The following NLN variants were observed in gnomAD, a reference collection of about 807,000 sequenced individuals.
The protein encoded by NLN is neurolysin, mitochondrial.
A neutral mutation model predicts 79.9 loss-of-function variants in NLN; 64 were observed. That is an observed-to-expected ratio of 0.80 (90% CI 0.65 to 0.99). The LOEUF (loss-of-function observed/expected upper bound fraction) is 0.99. Among genes scored for constraint, NLN ranks in the 50% least tolerant of loss-of-function variants. NLN has a pLI of 0.00. For synonymous variants in NLN, 267 were observed against 296.6 expected, an observed-to-expected ratio of 0.90 and a Z score of 1.02; for missense variants, 835 against 858.7, an observed-to-expected ratio of 0.97 and a Z score of 0.34.
At position 65,798,982 on chromosome 5, in the gene NLN, G is replaced by A. The variant is rs114633349; in HGVS notation, c.1527+6327G>A. 7.6e-3 allele frequency among the ~76,000 whole-genome samples: 1,163 copies of A among 152,248 alleles called. 14 individuals are homozygous for A. Among genetic ancestry groups the A allele is most frequent in the African/African-American group, 0.026 (1,099 of 41,526 alleles). On this transcript the variant is annotated intron_variant, in intron 9 of 12. Transcript: ENST00000380985. ...TGTAGCCTCCACCTCTCCAGGCTCA[G>A]TTGATCCTCCCACCTCAGCTTCCTA... is the stretch of plus-strand genomic sequence containing the variant.
chr5:65,788,598 G>A, intron 8 of NLN, 114 bp downstream of exon 8: 1 of 1,048,644 alleles, frequency 9.5e-7, no homozygotes, highest in Non-Finnish European at 1.4e-6. Flanking sequence ...CACTTTGGGA[G>A]GCCAAGGTGG....
At chr5:65,803,665 A>G (rs1760343781) in intron 9 of NLN, among the ~76,000 whole-genome samples, 1 of 151,896 alleles carries the variant, frequency 6.6e-6, no homozygotes, top group African/African-American at 2.4e-5. Context: ...TGGCTTAGGA[A>G]ACCGCAGCTG....
At chr5:65,782,827 G>T in intron 6 of NLN, among the ~76,000 whole-genome samples, 1 of 152,152 alleles carries the variant, frequency 6.6e-6, no homozygotes, top group Non-Finnish European at 1.5e-5. Context: ...AACAGTATTA[G>T]CTTTCCCAAA....
chr5:65,795,484 C>T (rs1287242142), intron 9 of NLN, among the ~76,000 whole-genome samples: 1 of 152,086 alleles, frequency 6.6e-6, no homozygotes, highest in Non-Finnish European at 1.5e-5. Context: ...GGCAGGAGTT[C>T]GAGACTAGCC....
At chr5:65,802,337 G>GGCAAGGCTGCCT (rs973094177) in intron 9 of NLN, among the ~76,000 whole-genome samples, 1 of 152,362 alleles carries the variant, frequency 6.6e-6, no homozygotes, top group South Asian at 2.1e-4. Flanking sequence ...AGGCGCTGGA[G>GGCAAGGCTGCCT]GCAAGGCTGC....
chr5:65,740,229 G>A (rs914641467), intron 1 of NLN, among the ~76,000 whole-genome samples: 4 of 152,152 alleles, frequency 2.6e-5, no homozygotes, highest in African/African-American at 9.7e-5. Context: ...TTCTGCATCT[G>A]GTGAGGGCCT....
At chr5:65,764,658 G>C (rs1454408240) in intron 3 of NLN, among the ~76,000 whole-genome samples, 1 of 152,190 alleles carries the variant, frequency 6.6e-6, no homozygotes, top group Non-Finnish European at 1.5e-5. Context: ...CATCAGATTT[G>C]TGTCTTTATT....
At chr5:65,740,352 C>T (rs1256341088) in intron 1 of NLN, among the ~76,000 whole-genome samples, 1 of 152,120 alleles carries the variant, frequency 6.6e-6, no homozygotes, top group Non-Finnish European at 1.5e-5. Flanking sequence ...CACTCCTGTT[C>T]TTCCCCATTA....
intron 1 of NLN, among the ~76,000 whole-genome samples, chr5:65,741,533 C>A (rs1263525181): frequency 6.6e-6 from 1 of 152,156 alleles, no homozygotes; most frequent in African/African-American, 2.4e-5. Context: ...AAATGACACA[C>A]ACTAACAAGC....
chr5:65,730,157 C>T (rs1758574608), intron 1 of NLN, among the ~76,000 whole-genome samples: 1 of 152,168 alleles, frequency 6.6e-6, no homozygotes, highest in Non-Finnish European at 1.5e-5. Context: ...ATGGAACTTA[C>T]ATTCCAGTGG....
chr5:65,791,520 C>T (rs1488890075), intron 8 of NLN, among the ~76,000 whole-genome samples: 4 of 151,966 alleles, frequency 2.6e-5, no homozygotes, highest in African/African-American at 4.8e-5. Flanking sequence ...ATCTTGCCAC[C>T]GCACCCCAGC....
At chr5:65,774,180 G>C (rs1315674223) in intron 3 of NLN, among the ~76,000 whole-genome samples, 1 of 151,558 alleles carries the variant, frequency 6.6e-6, no homozygotes, top group South Asian at 2.1e-4. Context: ...ATGCAGACAG[G>C]GAGAGAGAAT....
intron 12 of NLN, among the ~76,000 whole-genome samples, chr5:65,819,732 A>G (rs968956796): frequency 6.6e-6 from 1 of 152,196 alleles, no homozygotes; most frequent in African/African-American, 2.4e-5. Flanking sequence ...AAGTATTAAT[A>G]GAACAACTTA....
chr5:65,750,968 A>AAAG (rs1406593704), intron 1 of NLN, among the ~76,000 whole-genome samples: 2 of 152,198 alleles, frequency 1.3e-5, no homozygotes, highest in African/African-American at 4.8e-5. Context: ...CAATGGCTAG[A>AAAG]AAGACAACTT....
intron 4 of NLN, among the ~76,000 whole-genome samples, chr5:65,778,386 GT>G (rs1054417070): frequency 6.6e-6 from 1 of 152,162 alleles, no homozygotes; most frequent in African/African-American, 2.4e-5. Context: ...TCCAAATCAA[GT>G]GTTGTCAGCA....
intron 1 of NLN, among the ~76,000 whole-genome samples, chr5:65,724,560 T>C (rs907655999): frequency 1.4e-4 from 22 of 152,174 alleles, no homozygotes; most frequent in Admixed American, 1.2e-3. Context: ...TGTGCACATG[T>C]CTGTTTGAAT....
rs760572199 is a variant in NLN at position 65,723,814 on chromosome 5, C to CAAAAAAAA, written c.41+1415_41+1422dup. 1.4e-3 allele frequency among the ~76,000 whole-genome samples: 80 copies of CAAAAAAAA among 55,314 alleles called. 3 individuals carry two copies. The highest frequency in any genetic ancestry group is 1.8e-3 in the African/African-American group (28 of 15,712). 36.3% of individuals were successfully genotyped at this position (55,314 alleles called of 152,430 possible). ...TGGGCGACAGAGCAAGACTCCGTCT[C>CAAAAAAAA]AAAAAAAAAAAAAAAAAAAAAAGAA... On this transcript the variant is annotated intron_variant, in intron 1 of 12. Coordinates refer to ENST00000380985, the MANE Select transcript of NLN (RefSeq NM_020726.5).
At chr5:65,773,391 CCA>C (rs749399675) in intron 3 of NLN, among the ~76,000 whole-genome samples, 37 of 152,098 alleles carry the variant, frequency 2.4e-4, no homozygotes, top group Non-Finnish European at 4.4e-4. Context: ...CCTCAGCTTC[CCA>C]CAGTGTTGGG....
At chr5:65,758,462 A>G (rs1239489636) in intron 1 of NLN, 105 bp from the exon 2 acceptor site, 1 of 759,482 alleles carries the variant, frequency 1.3e-6, no homozygotes, top group East Asian at 2.7e-5. Flanking sequence ...GTTTTTTTAA[A>G]AAGGTTCTTT....
Sources: gnomAD v4.1 joint callset for allele counts (sites outside exome capture counted in the v4.1 genomes callset) on GRCh38, gnomAD v4.1.1 for gene constraint, MANE v1.5 for transcripts, NCBI Gene and HGNC (gene_info 2026-07-23, HGNC 2026-07-21) for gene names.